The following SMYD3 variants were observed in gnomAD, a reference collection of about 807,000 sequenced individuals.
The protein encoded by SMYD3 is SET and MYND domain containing 3, also known as histone-lysine N-methyltransferase SMYD3.
SMYD3 carries 36 observed loss-of-function variants against 57.7 expected under a neutral mutation model. The observed-to-expected ratio is 0.62, with a 90% CI of 0.48 to 0.82. SMYD3 has a LOEUF of 0.82. Ranked by LOEUF, SMYD3 falls within the 40% of genes least tolerant of loss-of-function variation. The pLI is 0.00. For synonymous variants in SMYD3, 211 were observed against 195.0 expected (o/e 1.08, Z -0.68); for missense variants, 515 against 538.8 (o/e 0.96, Z 0.44).
intron 1 of SMYD3, among the ~76,000 whole-genome samples, chr1:246,495,381 C>T (rs957827566): frequency 1.4e-5 from 2 of 141,444 alleles, no homozygotes; most frequent in Non-Finnish European, 1.5e-5. Context: ...AAGGTCTATG[C>T]TCCAGCCACA....
chr1:245,916,174 T>C (rs2055404588), intron 7 of SMYD3, among the ~76,000 whole-genome samples: 1 of 151,102 alleles, frequency 6.6e-6, no homozygotes, highest in Admixed American at 6.6e-5. Flanking sequence ...AAAGGGGGGG[T>C]AGAATAATTT....
intron 5 of SMYD3, among the ~76,000 whole-genome samples, chr1:246,101,079 T>TG (rs1182128729): frequency 1.6e-5 from 2 of 125,770 alleles, no homozygotes; most frequent in Non-Finnish European, 3.3e-5. Flanking sequence ...TTGTTTTTTT[T>TG]TTTTTTTTTT....
At chr1:245,771,793 A>G (rs1386751477) in intron 10 of SMYD3, among the ~76,000 whole-genome samples, 1 of 152,172 alleles carries the variant, frequency 6.6e-6, no homozygotes, top group Non-Finnish European at 1.5e-5. Context: ...TTGTGGTAGG[A>G]TAACTTTATT....
intron 1 of SMYD3, among the ~76,000 whole-genome samples, chr1:246,457,569 G>GAAAAGAAAAGA (rs2067722574): frequency 5.8e-5 from 8 of 138,718 alleles, no homozygotes; most frequent in African/African-American, 1.8e-4. Context: ...GAAAAGAAAA[G>GAAAAGAAAAGA]AAAAGAAAAA....
chr1:246,304,187 T>G (rs751517943), intron 5 of SMYD3, among the ~76,000 whole-genome samples: 5 of 152,204 alleles, frequency 3.3e-5, no homozygotes, highest in African/African-American at 7.2e-5. Context: ...GATACTATAT[T>G]TCAGATGCTC....
intron 5 of SMYD3, chr1:245,956,029 A>T: frequency 1.0e-6 from 1 of 985,408 alleles, no homozygotes; most frequent in Non-Finnish European, 1.2e-6. Context: ...AATGCAAAAA[A>T]TTACAAATGA....
intron 10 of SMYD3, among the ~76,000 whole-genome samples, chr1:245,770,242 T>C (rs1170223430): frequency 6.6e-6 from 1 of 152,136 alleles, no homozygotes; most frequent in Non-Finnish European, 1.5e-5. Flanking sequence ...CTTGTATTCA[T>C]TGGTACTTTT....
intron 8 of SMYD3, among the ~76,000 whole-genome samples, chr1:245,873,589 T>G (rs929513162): frequency 6.6e-6 from 1 of 152,214 alleles, no homozygotes; most frequent in South Asian, 2.1e-4. Context: ...CGGCCACATC[T>G]CCATCTTTTG....
At chr1:245,921,546 G>GATATATATATATAT (rs2055930181) in intron 7 of SMYD3, among the ~76,000 whole-genome samples, 2 of 24,592 alleles carry the variant, frequency 8.1e-5, no homozygotes, top group African/African-American at 2.2e-4. Context: ...TAAAAAATGT[G>GATATATATATATAT]GTGTATATAT....
chr1:246,410,485 G>A lies in SMYD3; in HGVS notation c.165-55391C>T, dbSNP rs138026119. 7.5e-3 allele frequency among the ~76,000 whole-genome samples: 1,141 copies of A among 152,242 alleles called. 15 individuals carry two copies. The highest frequency in any genetic ancestry group is 0.025 in the African/African-American group (1,051 of 41,548). ...TGCTGGACTACATTTATTGATTTTC[G>A]TATGTTGAACCAGCCTTGCATCCCA... On this transcript the variant is annotated intron_variant, in intron 1 of 11. Transcript: ENST00000490107.
At chr1:246,462,557 T>C (rs2067818493) in intron 1 of SMYD3, among the ~76,000 whole-genome samples, 1 of 152,144 alleles carries the variant, frequency 6.6e-6, no homozygotes, top group East Asian at 1.9e-4. Flanking sequence ...ACCCCATCTC[T>C]GGGCGCATCC....
intron 5 of SMYD3, among the ~76,000 whole-genome samples, chr1:246,078,081 AATAAT>A (rs1042314211): frequency 2.6e-5 from 4 of 152,118 alleles, no homozygotes; most frequent in African/African-American, 9.7e-5. Flanking sequence ...TAAAATTTGA[AATAAT>A]ATAAGTGCTC....
chr1:246,127,782 G>C (rs1008901216), intron 5 of SMYD3, among the ~76,000 whole-genome samples: 82 of 152,194 alleles, frequency 5.4e-4, no homozygotes, highest in African/African-American at 2.0e-3. Context: ...TGTAATCCCA[G>C]CTACTCAGGA....
In SMYD3 at chr1:246,355,199, T is replaced by C. The variant is rs2148705923; in HGVS notation, c.165-105A>G. 2.7e-6 allele frequency: 3 copies of C among 1,100,122 alleles called. No homozygotes were observed. The highest frequency in any genetic ancestry group is 4.9e-5 in the East Asian group (2 of 40,442). The allele number at this position is 1,100,122 out of a possible 1,614,324, so 68.1% of individuals were successfully genotyped here. On this transcript the variant is annotated intron_variant, in intron 1 of 11. Coordinates refer to ENST00000490107, the MANE Select transcript of SMYD3 (RefSeq NM_001167740.2). The surrounding 1 kb of genome is among the most constrained non-coding windows in gnomAD (Gnocchi z 5.0). Reference sequence around the variant, plus strand: ...AACATACGGACACCCGTATGTTCTGTTTACTCCATTATGTACAGTCCCTTA... The same window carrying C: ...AACATACGGACACCCGTATGTTCTGCTTACTCCATTATGTACAGTCCCTTA...
intron 2 of SMYD3, among the ~76,000 whole-genome samples, chr1:246,352,918 G>C (rs1481005059): frequency 2.6e-5 from 4 of 152,190 alleles, no homozygotes; most frequent in South Asian, 4.1e-4. Flanking sequence ...TAGAAAGCAA[G>C]TTTGCCTAGA....
At chr1:246,301,068 G>C (rs1558387447) in intron 5 of SMYD3, among the ~76,000 whole-genome samples, 1 of 152,144 alleles carries the variant, frequency 6.6e-6, no homozygotes, top group African/African-American at 2.4e-5. Context: ...CCCTCTGACT[G>C]TGTGAAAAGT....
chr1:246,238,074 C>T (rs2063539946), intron 5 of SMYD3, among the ~76,000 whole-genome samples: 1 of 152,004 alleles, frequency 6.6e-6, no homozygotes, highest in Non-Finnish European at 1.5e-5. Context: ...GTTTCTTTCT[C>T]TTTTTTTAAG....
intron 5 of SMYD3, among the ~76,000 whole-genome samples, chr1:246,286,862 A>T (rs1012342838): frequency 6.6e-6 from 1 of 150,836 alleles, no homozygotes; most frequent in Non-Finnish European, 1.5e-5. Context: ...AAGATATAAT[A>T]AAAAAATCTT....
chr1:246,378,719 AATATATTATATAT>A (rs2066322635), intron 1 of SMYD3, among the ~76,000 whole-genome samples: 2 of 38,014 alleles, frequency 5.3e-5, no homozygotes, highest in Non-Finnish European at 1.5e-4. Context: ...TATATAATAT[AATATATTATATAT>A]TATATATAAT....
Sources: allele counts gnomAD v4.1 joint callset (sites outside exome capture counted in the v4.1 genomes callset), GRCh38; gene constraint gnomAD v4.1.1; non-coding constraint Gnocchi (gnomAD v3.1); transcripts MANE v1.5; gene names NCBI Gene and HGNC (gene_info 2026-07-23, HGNC 2026-07-21).